SMYD3: variants seen among roughly 807,000 people sequenced by gnomAD.
SMYD3 encodes the protein histone-lysine N-methyltransferase SMYD3.
In SMYD3, 36 loss-of-function variants were observed where a neutral mutation model predicts 57.7. The ratio of observed to expected loss-of-function variants is 0.62; its 90% CI spans 0.48 to 0.82. The LOEUF (loss-of-function observed/expected upper bound fraction) is 0.82. Among genes scored for constraint, SMYD3 ranks in the 40% least tolerant of loss-of-function variants. SMYD3 has a pLI of 0.00. For synonymous variants in SMYD3, 211 were observed against 195.0 expected, an observed-to-expected ratio of 1.08 and a Z score of -0.68; for missense variants, 515 against 538.8, an observed-to-expected ratio of 0.96 and a Z score of 0.44.
At chr1:246,125,489 T>C (rs549637751) in intron 5 of SMYD3, among the ~76,000 whole-genome samples, 5 of 152,074 alleles carry the variant, frequency 3.3e-5, no homozygotes, top group Admixed American at 2.6e-4. Flanking sequence ...CAGATACCTC[T>C]TCACTTTGAT....
intron 5 of SMYD3, among the ~76,000 whole-genome samples, chr1:246,085,888 T>A (rs943094383): frequency 3.3e-5 from 5 of 152,106 alleles, no homozygotes; most frequent in African/African-American, 1.2e-4. Flanking sequence ...CTTAAAGGAT[T>A]TGATAATTTG....
In SMYD3 at chr1:246,423,154, G is replaced by A. The variant is rs77826616; in HGVS notation, c.165-68060C>T. ...TCTTCTAAAAATACAAAAATTAGCC[G>A]GGCATGGTGGCGCATGCCTATAATC... On this transcript the variant is annotated intron_variant, in intron 1 of 11. Transcript: ENST00000490107. Among the ~76,000 whole-genome samples the A allele has an allele frequency of 0.017, 2,601 of 151,930 alleles. 226 individuals carry two copies. In the East Asian group the frequency reaches 0.24, roughly 14 times the overall value.
At chr1:246,226,387 T>C (rs2063330834) in intron 5 of SMYD3, among the ~76,000 whole-genome samples, 1 of 152,168 alleles carries the variant, frequency 6.6e-6, no homozygotes, top group Non-Finnish European at 1.5e-5. Flanking sequence ...GATGAGGCCA[T>C]GTACTACAGA....
chr1:245,891,316 T>C (rs1233167777), intron 8 of SMYD3, among the ~76,000 whole-genome samples: 1 of 152,220 alleles, frequency 6.6e-6, no homozygotes, highest in Admixed American at 6.5e-5. Context: ...TATGACAGTA[T>C]CAAAATATTT....
intron 5 of SMYD3, among the ~76,000 whole-genome samples, chr1:246,256,664 T>C (rs1010485241): frequency 1.1e-4 from 17 of 152,214 alleles, no homozygotes; most frequent in Non-Finnish European, 2.4e-4. Flanking sequence ...GGGTCTCAAT[T>C]TCATTCAGCT....
chr1:246,346,240 T>C (rs553099835), intron 2 of SMYD3, among the ~76,000 whole-genome samples: 1 of 151,990 alleles, frequency 6.6e-6, no homozygotes, highest in Admixed American at 6.5e-5. Context: ...GCCGAGACGT[T>C]CTACTGCACT....
chr1:246,069,022 G>T lies in SMYD3; in HGVS notation c.532-139085C>A, dbSNP rs186828150. 4.6e-5 allele frequency among the ~76,000 whole-genome samples: 7 copies of T among 152,284 alleles called. No individual in the cohort carries two copies. In the East Asian group the frequency reaches 1.4e-3, roughly 29 times the overall value. ...TAGGATATGTCTGTGCAGAAAACAA[G>T]GTGGCTCTCATCTGAAAATATAACA... is the stretch of plus-strand genomic sequence containing the variant. On this transcript the variant is annotated intron_variant, in intron 5 of 11. Coordinates refer to ENST00000490107, the MANE Select transcript of SMYD3 (RefSeq NM_001167740.2).
At chr1:245,851,265 T>C (rs1174765383) in intron 10 of SMYD3, among the ~76,000 whole-genome samples, 2 of 152,320 alleles carry the variant, frequency 1.3e-5, no homozygotes, top group East Asian at 1.9e-4. Flanking sequence ...TCCACCAGAA[T>C]GAGGACTTTG....
chr1:245,910,412 T>C (rs2054881960), intron 8 of SMYD3, among the ~76,000 whole-genome samples: 1 of 152,044 alleles, frequency 6.6e-6, no homozygotes, highest in African/African-American at 2.4e-5. Context: ...AAAATATCAA[T>C]GACACTCTGC....
chr1:246,403,819 C>T (rs1572466956), intron 1 of SMYD3, among the ~76,000 whole-genome samples: 1 of 152,094 alleles, frequency 6.6e-6, no homozygotes, highest in East Asian at 1.9e-4. Context: ...AGCAATGATA[C>T]CATTTATAGG....
intron 1 of SMYD3, among the ~76,000 whole-genome samples, chr1:246,373,725 C>G (rs565801744): frequency 1.3e-5 from 2 of 152,308 alleles, no homozygotes; most frequent in East Asian, 3.9e-4. Flanking sequence ...TCTGATGGTT[C>G]ATATTTTATC....
intron 7 of SMYD3, among the ~76,000 whole-genome samples, chr1:245,925,928 T>C (rs561948738): frequency 6.6e-6 from 1 of 152,316 alleles, no homozygotes; most frequent in South Asian, 2.1e-4. Context: ...TCTTAGTCCA[T>C]TTTCTGCTGT....
intron 10 of SMYD3, among the ~76,000 whole-genome samples, chr1:245,813,881 T>G (rs1369707410): frequency 0.3 from 1,042 of 3,524 alleles, 47 homozygotes; most frequent in Admixed American, 0.34. Flanking sequence ...TATATATATA[T>G]ATATATATAT....
intron 1 of SMYD3, among the ~76,000 whole-genome samples, chr1:246,429,632 G>A (rs941723726): frequency 6.6e-6 from 1 of 152,192 alleles, no homozygotes; most frequent in South Asian, 2.1e-4. Flanking sequence ...AACTTAAGAT[G>A]AAAGATATTA....
intron 8 of SMYD3, among the ~76,000 whole-genome samples, chr1:245,899,639 A>G (rs1056297166): frequency 3.5e-4 from 54 of 152,196 alleles, no homozygotes; most frequent in Admixed American, 6.5e-5. Context: ...GGTCAATGTT[A>G]TATGTTAACT....
chr1:246,072,650 T>G (rs1209413780), intron 5 of SMYD3, among the ~76,000 whole-genome samples: 1 of 152,208 alleles, frequency 6.6e-6, no homozygotes, highest in East Asian at 1.9e-4. Context: ...TTCAGATATG[T>G]CTGTAAGGGT....
intron 1 of SMYD3, among the ~76,000 whole-genome samples, chr1:246,411,957 C>T (rs1414557202): frequency 8.3e-5 from 12 of 144,948 alleles, no homozygotes; most frequent in Non-Finnish European, 1.5e-4. Flanking sequence ...CACACGTACC[C>T]TAAAACTTAA....
At chr1:246,186,965 G>C in intron 5 of SMYD3, 2 of 977,822 alleles carry the variant, frequency 2.0e-6, no homozygotes, top group Non-Finnish European at 2.4e-6. Flanking sequence ...AATGTAAAAT[G>C]AGGAAACACG....
intron 1 of SMYD3, among the ~76,000 whole-genome samples, chr1:246,363,084 G>A (rs894314628): frequency 2.0e-5 from 3 of 151,686 alleles, no homozygotes; most frequent in Admixed American, 2.0e-4. Context: ...GCCCCTTCTG[G>A]GAGGTGAGGA....
Sources: allele counts gnomAD v4.1 joint callset (sites outside exome capture counted in the v4.1 genomes callset), GRCh38; gene constraint gnomAD v4.1.1; transcripts MANE v1.5; gene names NCBI Gene and HGNC (gene_info 2026-07-23, HGNC 2026-07-21).